Variants in GNAI3 observed in about 807,000 individuals in gnomAD.
GNAI3 encodes G protein subunit alpha i3, also known as guanine nucleotide-binding protein G(i) subunit alpha-3.
In GNAI3, 12 loss-of-function variants were observed where a neutral mutation model predicts 41.8. That is an observed-to-expected ratio of 0.29 (90% CI 0.18 to 0.47). GNAI3 has a LOEUF of 0.47. GNAI3 is among the 20% of genes least tolerant of loss of function. The pLI is 1.00. For synonymous variants in GNAI3, 132 were observed against 146.5 expected (o/e 0.90, Z 0.71); for missense variants, 360 against 429.6 (o/e 0.84, Z 1.43).
chr1:109,583,241 A>G (rs143756635), intron 5 of GNAI3, among the ~76,000 whole-genome samples: 85 of 152,156 alleles, frequency 5.6e-4, no homozygotes, highest in African/African-American at 1.9e-3. Context: ...ACAGGGTCGT[A>G]CTCTGTCGTC....
chr1:109,548,894 A>C, intron 1 of GNAI3, 56 bp downstream of exon 1: 1 of 1,174,150 alleles, frequency 8.5e-7, no homozygotes, highest in Non-Finnish European at 1.3e-6. Context: ...GGCGCTTGGA[A>C]GGCCTGAACG....
Position 109,592,106 on chromosome 1 carries a change from G to A in GNAI3, c.938G>A (p.Arg313Lys), listed in dbSNP as rs1649187705. 1.2e-6 allele frequency: 2 copies of A among 1,612,828 alleles called. No individual in the cohort carries two copies. Among genetic ancestry groups the A allele is most frequent in the African/African-American group, 2.7e-5 (2 of 74,890 alleles). ...IQCQFEDLNR[R>K]KDTKEIYTHF... is the part of the protein sequence containing the mutation. ...TGCCAGTTTGAAGATCTGAACAGAA[G>A]AAAAGATACCAAGGAGATCTATACT... is the stretch of plus-strand genomic sequence containing the variant. The change falls in exon 8 of 9, where the codon AGA becomes AAA. Residue 313 changes from arginine (R) to lysine (K), a missense_variant. Physicochemically the swap from Arg to Lys is conservative, Grantham distance 26 (BLOSUM62 2). Transcript: ENST00000369851.
intron 6 of GNAI3, 116 bp downstream of exon 6, chr1:109,586,461 AT>A: frequency 1.1e-5 from 12 of 1,058,636 alleles, no homozygotes; most frequent in South Asian, 3.2e-5. Context: ...AGTATCTTTA[AT>A]TTTTTTGATC....
At chr1:109,577,065 C>A (rs975968274) in intron 3 of GNAI3, among the ~76,000 whole-genome samples, 1 of 148,596 alleles carries the variant, frequency 6.7e-6, no homozygotes, top group Non-Finnish European at 1.5e-5. Context: ...TGAATACGTG[C>A]ATGGGTATAG....
intron 1 of GNAI3, among the ~76,000 whole-genome samples, chr1:109,560,672 T>G (rs1056052658): frequency 8.5e-5 from 13 of 152,222 alleles, no homozygotes; most frequent in Admixed American, 5.2e-4. Context: ...TGTGTCAGCC[T>G]CCTGAGTGGC....
chr1:109,562,705 G>A (rs751127944), intron 1 of GNAI3, among the ~76,000 whole-genome samples: 12 of 152,146 alleles, frequency 7.9e-5, no homozygotes, highest in Non-Finnish European at 1.3e-4. Flanking sequence ...TAAAAGTGTA[G>A]TTTGATTTAC....
chr1:109,594,886 C>T lies in GNAI3; in HGVS notation c.*2564C>T, dbSNP rs1649257596. The T allele has an allele frequency of 6.6e-6, 1 of 152,194 alleles. No homozygotes were observed. The highest frequency in any genetic ancestry group is 2.1e-4 in the South Asian group (1 of 4,830). 9.4% of individuals were successfully genotyped at this position (152,194 alleles called of 1,614,324 possible). On this transcript the variant is annotated 3_prime_UTR_variant, in exon 9 of 9. Transcript: ENST00000369851. Reference sequence around the variant, plus strand: ...TCCCCTGACCTCGTGATCTGCCTGCCTCAGCCTCCCAAAGTGCTGGGATTA... The same window carrying T: ...TCCCCTGACCTCGTGATCTGCCTGCTTCAGCCTCCCAAAGTGCTGGGATTA...
intron 1 of GNAI3, among the ~76,000 whole-genome samples, chr1:109,559,466 G>A (rs1648250794): frequency 6.6e-6 from 1 of 152,110 alleles, no homozygotes; most frequent in Non-Finnish European, 1.5e-5. Flanking sequence ...TTGAACCTCA[G>A]GGGTCCTTTG....
At chr1:109,548,952 G>T in intron 1 of GNAI3, 114 bp downstream of exon 1, 1 of 666,906 alleles carries the variant, frequency 1.5e-6, no homozygotes, top group Non-Finnish European at 2.6e-6. Context: ...TCTGGAGGGC[G>T]TGCCGGGCGT....
intron 3 of GNAI3, among the ~76,000 whole-genome samples, chr1:109,574,776 C>G (rs1266741034): frequency 6.6e-6 from 1 of 152,074 alleles, no homozygotes; most frequent in East Asian, 1.9e-4. Flanking sequence ...TTATTTCCTA[C>G]ATCTAAGGGA....
chr1:109,550,448 T>C (rs186152397), intron 1 of GNAI3, among the ~76,000 whole-genome samples: 2 of 152,282 alleles, frequency 1.3e-5, no homozygotes, highest in East Asian at 3.9e-4. Context: ...AAATATTTAC[T>C]GTTAACCAGC....
intron 5 of GNAI3, among the ~76,000 whole-genome samples, chr1:109,585,989 C>G (rs889808000): frequency 6.6e-6 from 1 of 152,164 alleles, no homozygotes; most frequent in Non-Finnish European, 1.5e-5. Flanking sequence ...AGAAGAGGCT[C>G]AGCTATCTAA....
chr1:109,582,349 G>A, intron 4 of GNAI3, 88 bp from the exon 5 acceptor site: 6 of 961,158 alleles, frequency 6.2e-6, no homozygotes, highest in Non-Finnish European at 9.6e-6. Flanking sequence ...ACTAGTAACA[G>A]GTTTAAAATA....
intron 5 of GNAI3, among the ~76,000 whole-genome samples, chr1:109,583,073 G>A (rs1648935098): frequency 6.6e-6 from 1 of 152,118 alleles, no homozygotes; most frequent in Admixed American, 6.5e-5. Context: ...TATTGTCATG[G>A]CTCTTAAAGT....
chr1:109,579,981 T>A (rs998777036), intron 4 of GNAI3, among the ~76,000 whole-genome samples: 16 of 152,244 alleles, frequency 1.1e-4, no homozygotes, highest in African/African-American at 3.9e-4. Context: ...CATATACTTA[T>A]TTATGAAACC....
At chr1:109,557,208 T>C (rs964603983) in intron 1 of GNAI3, among the ~76,000 whole-genome samples, 1 of 152,244 alleles carries the variant, frequency 6.6e-6, no homozygotes, top group African/African-American at 2.4e-5. Flanking sequence ...AGGCTGGGAT[T>C]ACAGGTGTGA....
intron 7 of GNAI3, among the ~76,000 whole-genome samples, chr1:109,590,630 C>G (rs1276441876): frequency 6.6e-6 from 1 of 151,274 alleles, no homozygotes; most frequent in Non-Finnish European, 1.5e-5. Context: ...GACAGAAATG[C>G]AGTGGCATGA....
chr1:109,567,074 G>T lies in GNAI3; in HGVS notation c.119-6663G>T, dbSNP rs1165832500. Among the ~76,000 whole-genome samples the T allele has an allele frequency of 3.9e-5, 6 of 152,194 alleles. No homozygotes were observed. The South Asian group carries it at 8.3e-4, about 21-fold the overall frequency. On this transcript the variant is annotated intron_variant, in intron 1 of 8. Coordinates refer to ENST00000369851, the MANE Select transcript of GNAI3 (RefSeq NM_006496.4). ...GTTAGCAAAAAAATCAATTTTATTT[G>T]CTGATCAAGCTTTCAGCCTGCCATG...
rs1647898800 is a variant in GNAI3, at chr1:109,548,844, G to A, written c.118+6G>A. ...AGTGAAGCTGCTGCTACTCGGTGAG[G>A]GGCTGGAGGCGGGGACTGAGTGGTG... is the stretch of plus-strand genomic sequence containing the variant. On this transcript the variant is annotated splice_donor_region_variant and intron_variant, in intron 1 of 8. Transcript: ENST00000369851. 2 of 1,567,732 alleles carry A rather than the reference G, an allele frequency of 1.3e-6. No homozygotes were observed. The highest frequency in any genetic ancestry group is 2.7e-5 in the African/African-American group (2 of 74,112).
Sources: allele counts gnomAD v4.1 joint callset (sites outside exome capture counted in the v4.1 genomes callset), GRCh38; gene constraint gnomAD v4.1.1; transcripts MANE v1.5; gene names NCBI Gene and HGNC (gene_info 2026-07-23, HGNC 2026-07-21).